The following DHCR24 variants were observed in gnomAD, a reference collection of about 807,000 sequenced individuals.
The protein encoded by DHCR24 is delta(24)-sterol reductase.
In DHCR24, 28 loss-of-function variants were observed where a neutral mutation model predicts 61.2. The ratio of observed to expected loss-of-function variants is 0.46; its 90% confidence interval spans 0.34 to 0.63. The LOEUF (loss-of-function observed/expected upper bound fraction) is 0.63, where lower values mean the gene tolerates loss of function less well. Ranked by LOEUF, DHCR24 falls within the 20% of genes least tolerant of loss-of-function variation. The pLI is 0.01. For synonymous variants in DHCR24, 261 were observed against 275.9 expected (o/e 0.95, Z 0.54); for missense variants, 538 against 679.1 (o/e 0.79, Z 2.31).
intron 1 of DHCR24, among the ~76,000 whole-genome samples, chr1:54,885,725 G>C (rs903720279): frequency 7.9e-5 from 12 of 152,094 alleles, no homozygotes; most frequent in Non-Finnish European, 1.6e-4. Flanking sequence ...AGGCTGTTTT[G>C]AGCCAGGCCC....
chr1:54,850,809 G>C lies in DHCR24; in HGVS notation c.*1424C>G, dbSNP rs113651566. The C allele has an allele frequency of 6.6e-6, 1 of 152,184 alleles. No homozygotes were observed. The highest frequency in any genetic ancestry group is 2.4e-5 in the African/African-American group (1 of 41,436). The allele number at this position is 152,184 out of a possible 1,614,324, so 9.4% of individuals were successfully genotyped here. On this transcript the variant is annotated 3_prime_UTR_variant, in exon 9 of 9. Transcript: ENST00000371269. ...GTTCCAGGGAGGTCTTGTCTGTAGCGATGTGACAGATGAGGAAACTGCAGC... is the reference window on the plus strand; with the variant it reads ...GTTCCAGGGAGGTCTTGTCTGTAGCCATGTGACAGATGAGGAAACTGCAGC...
chr1:54,866,878 C>T (rs537047915), intron 5 of DHCR24, among the ~76,000 whole-genome samples: 10 of 152,344 alleles, frequency 6.6e-5, no homozygotes, highest in East Asian at 1.9e-4. Flanking sequence ...AAAACACTCA[C>T]GCTGGCCTCT....
At chr1:54,855,855 G>C (rs1161221886) in intron 6 of DHCR24, among the ~76,000 whole-genome samples, 1 of 152,108 alleles carries the variant, frequency 6.6e-6, no homozygotes, top group African/African-American at 2.4e-5. Flanking sequence ...AATCCCCATA[G>C]TACAAAAGTT....
chr1:54,864,614 G>A (rs74072042), intron 6 of DHCR24, among the ~76,000 whole-genome samples: 92 of 152,256 alleles, frequency 6.0e-4, no homozygotes, highest in African/African-American at 2.2e-3. Context: ...CAGAGGTAGT[G>A]GTTGCACAAC....
rs1217915602 is a variant in DHCR24 at position 54,883,804 on chromosome 1, C to G, written c.232-31G>C. The G allele has an allele frequency of 1.2e-6, 2 of 1,613,382 alleles. No homozygotes were observed. Among genetic ancestry groups the G allele is most frequent in the Non-Finnish European group, 1.7e-6 (2 of 1,180,006 alleles). ...ACCACAGGACAGAGGGTGAGCTGGC[C>G]CCACTGGGAATCCCCAGAGCAGCCT... On this transcript the variant is annotated intron_variant, in intron 1 of 8. Coordinates refer to ENST00000371269, the MANE Select transcript of DHCR24 (RefSeq NM_014762.4). This position sits in a 1 kb window ranked among gnomAD's most constrained non-coding sequence, Gnocchi z 4.3.
intron 5 of DHCR24, among the ~76,000 whole-genome samples, chr1:54,869,481 A>G (rs921880510): frequency 3.9e-5 from 6 of 152,240 alleles, no homozygotes; most frequent in Non-Finnish European, 8.8e-5. Context: ...TTGTAAGAGC[A>G]AAACAGTTTA....
intron 6 of DHCR24, among the ~76,000 whole-genome samples, chr1:54,858,930 C>T (rs535279962): frequency 1.2e-4 from 18 of 152,278 alleles, no homozygotes; most frequent in South Asian, 4.2e-4. Flanking sequence ...CCACTGCGCC[C>T]GGCCTTCTGT....
At chr1:54,860,790 C>T (rs1207530670) in intron 6 of DHCR24, among the ~76,000 whole-genome samples, 2 of 152,060 alleles carry the variant, frequency 1.3e-5, no homozygotes, top group African/African-American at 4.8e-5. Flanking sequence ...TCGAGACCAT[C>T]CTGGCTAACA....
At chr1:54,863,806 T>A (rs1242320825) in intron 6 of DHCR24, among the ~76,000 whole-genome samples, 3 of 152,210 alleles carry the variant, frequency 2.0e-5, no homozygotes, top group Non-Finnish European at 4.4e-5. Flanking sequence ...ATATATCTGA[T>A]GAGGGTCTAG....
At chr1:54,884,285 T>C (rs913195624) in intron 1 of DHCR24, among the ~76,000 whole-genome samples, 10 of 152,204 alleles carry the variant, frequency 6.6e-5, no homozygotes, top group African/African-American at 2.4e-4. Flanking sequence ...CAGGACTGTT[T>C]GACTTCAGGA....
intron 4 of DHCR24, among the ~76,000 whole-genome samples, chr1:54,871,840 G>A (rs1308337118): frequency 6.6e-6 from 1 of 151,880 alleles, no homozygotes; most frequent in East Asian, 1.9e-4. Flanking sequence ...CCCTCACTGA[G>A]AGAGCATCCT....
intron 4 of DHCR24, among the ~76,000 whole-genome samples, chr1:54,872,096 C>T (rs1207779162): frequency 1.3e-5 from 2 of 152,274 alleles, no homozygotes; most frequent in African/African-American, 4.8e-5. Context: ...GGATCCACCC[C>T]CGACAGAGCC....
intron 5 of DHCR24, among the ~76,000 whole-genome samples, chr1:54,867,698 G>C (rs915823215): frequency 1.3e-5 from 2 of 152,130 alleles, no homozygotes; most frequent in South Asian, 4.1e-4. Context: ...AGAGCCTCAA[G>C]GGAACACCTC....
intron 8 of DHCR24, 135 bp downstream of exon 8, chr1:54,853,299 A>T: frequency 8.6e-7 from 1 of 1,157,684 alleles, no homozygotes; most frequent in Non-Finnish European, 1.3e-6. Flanking sequence ...AGAGGCTGCC[A>T]CAGCTGCAGG....
chr1:54,854,015 C>A, intron 7 of DHCR24, 22 bp downstream of exon 7: 2 of 1,604,024 alleles, frequency 1.2e-6, no homozygotes, highest in South Asian at 1.1e-5. Flanking sequence ...CTGGTGCGCC[C>A]TCCCTGCCCT....
chr1:54,886,176 A>T (rs1271950486), intron 1 of DHCR24, among the ~76,000 whole-genome samples: 1 of 152,176 alleles, frequency 6.6e-6, no homozygotes, highest in Non-Finnish European at 1.5e-5. Flanking sequence ...CTGGATGCAG[A>T]GGAGGCTCCA....
At chr1:54,878,005 C>CAAAA (rs34579917) in intron 2 of DHCR24, among the ~76,000 whole-genome samples, 4 of 111,782 alleles carry the variant, frequency 3.6e-5, no homozygotes, top group Non-Finnish European at 5.8e-5. Flanking sequence ...GACTCTGTCT[C>CAAAA]AAAAAAAAAA....
intron 6 of DHCR24, among the ~76,000 whole-genome samples, chr1:54,859,220 C>A (rs1646922978): frequency 6.6e-6 from 1 of 152,140 alleles, no homozygotes; most frequent in South Asian, 2.1e-4. Context: ...TGGTCAACAT[C>A]CATGTGAGCT....
At position 54,883,791 on chromosome 1, in the gene DHCR24, A is replaced by G; in HGVS notation, c.232-18T>C. On this transcript the variant is annotated intron_variant, in intron 1 of 8. Transcript: ENST00000371269. The surrounding 1 kb of genome is among the most constrained non-coding windows in gnomAD (Gnocchi z 4.3). ...TCCCGCACCTGCAACCACAGGACAG[A>G]GGGTGAGCTGGCCCCACTGGGAATC... 1 of 1,613,744 alleles carries G rather than the reference A, an allele frequency of 6.2e-7. No homozygotes were observed.
Sources: allele counts gnomAD v4.1 joint callset (sites outside exome capture counted in the v4.1 genomes callset), GRCh38; gene constraint gnomAD v4.1.1; non-coding constraint Gnocchi (gnomAD v3.1); transcripts MANE v1.5; gene names NCBI Gene and HGNC (gene_info 2026-07-23, HGNC 2026-07-21).